The following DCDC2C variants were observed in gnomAD, a reference collection of about 807,000 sequenced individuals.
The protein encoded by DCDC2C is doublecortin domain-containing protein 2C.
A neutral mutation model predicts 45.0 loss-of-function variants in DCDC2C; 44 were observed. The observed-to-expected ratio is 0.98, with a 90% CI of 0.77 to 1.26. DCDC2C has a LOEUF of 1.26. Ranked by LOEUF, DCDC2C falls within the 50% of genes most tolerant of loss-of-function variation. DCDC2C has a pLI of 0.00. For synonymous variants in DCDC2C, 187 were observed against 178.8 expected (o/e 1.05, Z -0.37); for missense variants, 447 against 468.9 (o/e 0.95, Z 0.43).
chr2:3,770,744 A>C (rs887381689), intron 8 of DCDC2C, among the ~76,000 whole-genome samples: 1 of 152,376 alleles, frequency 6.6e-6, no homozygotes, highest in African/African-American at 2.4e-5. Context: ...ACACAGGCAG[A>C]ATCCTCGTGT....
chr2:3,832,679 A>G (rs1671979272), intron 10 of DCDC2C, among the ~76,000 whole-genome samples: 1 of 152,156 alleles, frequency 6.6e-6, no homozygotes, highest in Non-Finnish European at 1.5e-5. Context: ...TATTAGGCAT[A>G]TGGCCTGATT....
chr2:3,826,800 A>C (rs1352054917), intron 10 of DCDC2C, among the ~76,000 whole-genome samples: 1 of 152,028 alleles, frequency 6.6e-6, no homozygotes, highest in Non-Finnish European at 1.5e-5. Context: ...GGTAATTAAG[A>C]TCCTATGAGA....
intron 3 of DCDC2C, among the ~76,000 whole-genome samples, chr2:3,733,669 A>G (rs958580638): frequency 2.0e-5 from 3 of 152,164 alleles, no homozygotes; most frequent in Non-Finnish European, 2.9e-5. Context: ...CACATGATGG[A>G]CGGGGCAGAC....
intron 7 of DCDC2C, among the ~76,000 whole-genome samples, chr2:3,768,467 T>C (rs981374680): frequency 1.3e-4 from 20 of 152,224 alleles, no homozygotes; most frequent in Non-Finnish European, 4.4e-5. Flanking sequence ...TGGCTGGTTA[T>C]GGAGGAGAAA....
intron 10 of DCDC2C, among the ~76,000 whole-genome samples, chr2:3,804,102 A>G (rs904205843): frequency 2.0e-5 from 3 of 152,222 alleles, no homozygotes; most frequent in African/African-American, 7.2e-5. Context: ...GTATGGCTGC[A>G]AGTTCTCTGA....
chr2:3,743,815 C>G (rs185477848), intron 4 of DCDC2C, among the ~76,000 whole-genome samples: 7 of 152,202 alleles, frequency 4.6e-5, no homozygotes, highest in Admixed American at 2.0e-4. Flanking sequence ...CGCCTGTAAT[C>G]CCAGCACTTT....
chr2:3,819,854 C>T (rs555369901), intron 10 of DCDC2C, among the ~76,000 whole-genome samples: 54 of 152,080 alleles, frequency 3.6e-4, no homozygotes, highest in African/African-American at 6.3e-4. Flanking sequence ...AGTCACGGGA[C>T]GAAACTGTAA....
intron 10 of DCDC2C, among the ~76,000 whole-genome samples, chr2:3,797,857 G>GT (rs1351290274): frequency 6.7e-6 from 1 of 148,684 alleles, no homozygotes; most frequent in African/African-American, 2.4e-5. Context: ...TTGATTTGGG[G>GT]TGGAGAGTTC....
At position 3,754,598 on chromosome 2, in the gene DCDC2C, T is replaced by G; in HGVS notation, c.690T>G (p.Tyr230Ter). The stretch of plus-strand genomic sequence containing the variant: ...AACATCTTTTGTCTTGCAGAAGGTA[T>G]GCGAATGTTGAAAAAAACTCACAGA... ...PRVPSEVQQR[Y>*]ANVEKNSQRK... Residue 230 changes from tyrosine to a stop codon, truncating the protein, a stop_gained, in exon 6 of 11, where the codon TAT (tyrosine) becomes TAG (stop). Coordinates refer to ENST00000399143, the MANE Select transcript of DCDC2C (RefSeq NM_001287444.2). LOFTEE classifies it high-confidence loss of function. 6.5e-7 allele frequency: 1 copy of G among 1,550,006 alleles called. No homozygotes were observed. Among genetic ancestry groups the G allele is most frequent in the Non-Finnish European group, 8.7e-7 (1 of 1,146,824 alleles).
At chr2:3,829,043 C>G (rs547700141) in intron 10 of DCDC2C, among the ~76,000 whole-genome samples, 1 of 152,278 alleles carries the variant, frequency 6.6e-6, no homozygotes, top group African/African-American at 2.4e-5. Context: ...ATTTTTCAGT[C>G]TGCTTTACTT....
chr2:3,752,518 G>A, intron 4 of DCDC2C: 3 of 565,062 alleles, frequency 5.3e-6, no homozygotes, highest in South Asian at 1.6e-5. Flanking sequence ...AAGAGCCTAT[G>A]AGCACTTGTA....
intron 3 of DCDC2C, among the ~76,000 whole-genome samples, chr2:3,737,076 A>AC (rs956221644): frequency 3.3e-5 from 5 of 151,542 alleles, no homozygotes; most frequent in African/African-American, 1.2e-4. Flanking sequence ...CAATCCATGT[A>AC]CCCCCCGCCA....
At chr2:3,802,749 A>C (rs1671144533) in intron 10 of DCDC2C, among the ~76,000 whole-genome samples, 1 of 152,094 alleles carries the variant, frequency 6.6e-6, no homozygotes, top group African/African-American at 2.4e-5. Flanking sequence ...TCAACACATA[A>C]ATTTTGGGAG....
At chr2:3,828,808 G>T (rs1160030371) in intron 10 of DCDC2C, among the ~76,000 whole-genome samples, 4 of 152,146 alleles carry the variant, frequency 2.6e-5, no homozygotes, top group African/African-American at 9.7e-5. Flanking sequence ...AGTGCCTTCT[G>T]ATATTTTGTG....
intron 3 of DCDC2C, among the ~76,000 whole-genome samples, chr2:3,736,418 C>T (rs983150129): frequency 6.6e-6 from 1 of 152,198 alleles, no homozygotes; most frequent in African/African-American, 2.4e-5. Context: ...GGGTAGGATG[C>T]GTTGCCCCAG....
At chr2:3,737,700 ACTGATTTG>A (rs1462502305) in intron 3 of DCDC2C, among the ~76,000 whole-genome samples, 4 of 152,064 alleles carry the variant, frequency 2.6e-5, no homozygotes, top group Non-Finnish European at 5.9e-5. Context: ...GACTCACTTT[ACTGATTTG>A]CTGGAAAGGT....
chr2:3,723,191 G>A (rs984469840), intron 2 of DCDC2C, among the ~76,000 whole-genome samples: 7 of 152,154 alleles, frequency 4.6e-5, no homozygotes, highest in Non-Finnish European at 7.3e-5. Context: ...GTCACTCATC[G>A]TTCAGGCACT....
intron 10 of DCDC2C, among the ~76,000 whole-genome samples, chr2:3,829,997 G>A (rs557435269): frequency 1.8e-4 from 28 of 152,370 alleles, no homozygotes; most frequent in South Asian, 6.2e-4. Context: ...TGAAGAAGCC[G>A]TCAGGGCATC....
intron 10 of DCDC2C, among the ~76,000 whole-genome samples, chr2:3,838,452 CA>C (rs1672133122): frequency 1.8e-5 from 2 of 112,378 alleles, no homozygotes; most frequent in Non-Finnish European, 4.0e-5. Context: ...AGGATCATGA[CA>C]GAGAGAGAGA....
Sources: allele counts gnomAD v4.1 joint callset (sites outside exome capture counted in the v4.1 genomes callset), GRCh38; gene constraint gnomAD v4.1.1; transcripts MANE v1.5; gene names NCBI Gene and HGNC (gene_info 2026-07-23, HGNC 2026-07-21).